Variants in RHBDL2 observed in about 807,000 individuals in gnomAD.
RHBDL2 encodes the protein rhomboid-related protein 2.
RHBDL2 carries 26 observed loss-of-function variants against 31.7 expected under a neutral mutation model. The observed-to-expected ratio is 0.82, with a 90% CI of 0.60 to 1.14. The LOEUF is 1.14. Ranked by LOEUF, RHBDL2 falls within the 50% of genes most tolerant of loss-of-function variation. The probability of loss-of-function intolerance (pLI) is 0.00; values close to 1 mark genes in which losing one functional copy is unlikely to be tolerated. For synonymous variants in RHBDL2, 123 were observed against 127.2 expected (o/e 0.97, Z 0.22); for missense variants, 336 against 364.4 (o/e 0.92, Z 0.63).
chr1:38,941,412 T>C (rs921104253), intron 1 of RHBDL2, among the ~76,000 whole-genome samples: 1 of 152,134 alleles, frequency 6.6e-6, no homozygotes, highest in Non-Finnish European at 1.5e-5. Context: ...ATGGAATTAC[T>C]CTGTCCTCAT....
At chr1:38,900,669 T>C (rs111304184) in intron 4 of RHBDL2, among the ~76,000 whole-genome samples, 1 of 151,814 alleles carries the variant, frequency 6.6e-6, no homozygotes, top group Non-Finnish European at 1.5e-5. Context: ...GAGGTTGCAG[T>C]GAGCCAAGAT....
At chr1:38,894,710 T>TC (rs1287213030) in intron 5 of RHBDL2, among the ~76,000 whole-genome samples, 1 of 141,114 alleles carries the variant, frequency 7.1e-6, no homozygotes, top group East Asian at 2.0e-4. Flanking sequence ...TTTTTTTCTT[T>TC]TTTTTTTTTT....
chr1:38,924,960 T>C (rs1197986221), intron 1 of RHBDL2, among the ~76,000 whole-genome samples: 1 of 151,732 alleles, frequency 6.6e-6, no homozygotes, highest in East Asian at 2.0e-4. Flanking sequence ...TTTGTATTTT[T>C]AGTAGAGACA....
At chr1:38,898,276 C>G (rs1340917333) in intron 4 of RHBDL2, among the ~76,000 whole-genome samples, 5 of 152,140 alleles carry the variant, frequency 3.3e-5, no homozygotes. Flanking sequence ...TGCACTCCAG[C>G]CTGGTGACAG....
chr1:38,907,302 G>A (rs888382865), intron 4 of RHBDL2, among the ~76,000 whole-genome samples: 3 of 152,086 alleles, frequency 2.0e-5, no homozygotes, highest in Non-Finnish European at 4.4e-5. Flanking sequence ...CACTTTGGGA[G>A]GCCGAGGCAG....
At chr1:38,917,287 G>T (rs984148453) in intron 2 of RHBDL2, among the ~76,000 whole-genome samples, 14 of 151,956 alleles carry the variant, frequency 9.2e-5, no homozygotes, top group Non-Finnish European at 1.9e-4. Flanking sequence ...AAAGTGCTGG[G>T]ATTACAGGCG....
Position 38,919,330 on chromosome 1 carries a change from G to C in RHBDL2, c.-118C>G. ...GTCTGGCGCAACGACTGCTTTCCAA[G>C]GCCTTTCCTGTATGTGAAGAGAAGA... On this transcript the variant is annotated 5_prime_UTR_variant, in exon 2 of 8. Transcript: ENST00000372990. 6.3e-7 allele frequency: 1 copy of C among 1,593,082 alleles called. No homozygotes were observed. Among genetic ancestry groups the C allele is most frequent in the Non-Finnish European group, 8.5e-7 (1 of 1,172,766 alleles).
At chr1:38,895,776 C>T (rs570975380) in intron 5 of RHBDL2, among the ~76,000 whole-genome samples, 193 bp downstream of exon 5, 2 of 152,074 alleles carry the variant, frequency 1.3e-5, no homozygotes, top group Admixed American at 1.3e-4. Flanking sequence ...GCATTCCAGC[C>T]TGGGCAATGG....
chr1:38,909,308 C>T (rs975401165), intron 4 of RHBDL2, among the ~76,000 whole-genome samples: 4 of 152,182 alleles, frequency 2.6e-5, no homozygotes, highest in African/African-American at 9.7e-5. Context: ...CTCTACCCAG[C>T]ACTTCCCTTC....
intron 1 of RHBDL2, chr1:38,929,502 A>G (rs1348791303): frequency 2.3e-6 from 3 of 1,289,442 alleles, no homozygotes; most frequent in Non-Finnish European, 3.0e-6. Flanking sequence ...CCGCTTGCCT[A>G]GCTGCATTCA....
In RHBDL2 at chr1:38,924,272, A is replaced by C. The variant is rs1021900220; in HGVS notation, c.-125-4935T>G. 5.9e-5 allele frequency among the ~76,000 whole-genome samples: 9 copies of C among 152,058 alleles called. No individual in the cohort carries two copies. The South Asian group carries it at 1.5e-3, about 25-fold the overall frequency. On this transcript the variant is annotated intron_variant, in intron 1 of 7. Coordinates refer to ENST00000372990, the MANE Select transcript of RHBDL2 (RefSeq NM_017821.5). ...AGTATTCTCAAGAGGAAACATAGAA[A>C]GATCCCACCTGGCCACAAGTACTCT...
chr1:38,922,086 T>C (rs1399648366), intron 1 of RHBDL2, among the ~76,000 whole-genome samples: 1 of 152,204 alleles, frequency 6.6e-6, no homozygotes, highest in Non-Finnish European at 1.5e-5. Context: ...ACCACCATTT[T>C]AAATATGTTA....
At chr1:38,891,148 T>A (rs6675245) in intron 6 of RHBDL2, among the ~76,000 whole-genome samples, 54,342 of 150,030 alleles carry the variant, frequency 0.36, 10,933 homozygotes, top group Non-Finnish European at 0.45. Flanking sequence ...ATGCACCTGT[T>A]GACAGGAGAG....
chr1:38,893,063 C>G, intron 6 of RHBDL2, 101 bp downstream of exon 6: 1 of 692,572 alleles, frequency 1.4e-6, no homozygotes, highest in South Asian at 2.1e-5. Flanking sequence ...TGTGTATGCC[C>G]CAAATTGCAA....
intron 2 of RHBDL2, 43 bp from the exon 3 acceptor site, chr1:38,915,753 A>G (rs1314964173): frequency 6.2e-7 from 1 of 1,610,238 alleles, no homozygotes; most frequent in South Asian, 1.1e-5. Flanking sequence ...CACCTTCTCC[A>G]GAGAGGGGCC....
intron 7 of RHBDL2, 103 bp downstream of exon 7, chr1:38,887,860 G>A: frequency 5.1e-6 from 4 of 782,722 alleles, no homozygotes; most frequent in Non-Finnish European, 8.4e-6. Context: ...ACTTCCAAAT[G>A]GAAATTTGGC....
intron 5 of RHBDL2, among the ~76,000 whole-genome samples, chr1:38,895,019 T>C (rs1206466664): frequency 1.3e-5 from 2 of 152,174 alleles, no homozygotes; most frequent in African/African-American, 2.4e-5. Flanking sequence ...GCATTTCTTA[T>C]AGCATTACTT....
chr1:38,887,096 C>CAGAAACAG (rs1428452372), intron 7 of RHBDL2, among the ~76,000 whole-genome samples: 2,775 of 152,264 alleles, frequency 0.018, 90 homozygotes, highest in African/African-American at 0.063. Flanking sequence ...AAGAAATACC[C>CAGAAACAG]AAACAGAAAC....
At chr1:38,937,536 G>A (rs527299489) in intron 1 of RHBDL2, among the ~76,000 whole-genome samples, 17 of 152,238 alleles carry the variant, frequency 1.1e-4, no homozygotes, top group Admixed American at 5.2e-4. Flanking sequence ...CAGAAGCTGA[G>A]AATCTGGAAA....
Sources: gnomAD v4.1 joint callset for allele counts (sites outside exome capture counted in the v4.1 genomes callset) on GRCh38, gnomAD v4.1.1 for gene constraint, MANE v1.5 for transcripts, NCBI Gene and HGNC (gene_info 2026-07-23, HGNC 2026-07-21) for gene names.